The following LPP variants were observed in gnomAD, a reference collection of about 807,000 sequenced individuals.
LPP encodes LIM domain containing preferred translocation partner in lipoma, also known as lipoma-preferred partner.
In LPP, 38 loss-of-function variants were observed where a neutral mutation model predicts 60.4. The observed-to-expected ratio is 0.63, with a 90% CI of 0.49 to 0.83. The LOEUF is 0.83. LPP is among the 40% of genes least tolerant of loss of function. The pLI, the probability that LPP is intolerant of heterozygous loss-of-function variation, is 0.00. For synonymous variants in LPP, 328 were observed against 290.8 expected, an observed-to-expected ratio of 1.13 and a Z score of -1.30; for missense variants, 902 against 783.6, an observed-to-expected ratio of 1.15 and a Z score of -1.80.
chr3:188,745,757 C>T (rs1725953001), intron 8 of LPP, among the ~76,000 whole-genome samples: 2 of 152,186 alleles, frequency 1.3e-5, no homozygotes. Flanking sequence ...GCAATCACCA[C>T]TCCCCTTCGT....
chr3:188,744,164 G>T (rs1419534966), intron 8 of LPP, among the ~76,000 whole-genome samples: 1 of 152,064 alleles, frequency 6.6e-6, no homozygotes, highest in African/African-American at 2.4e-5. Context: ...TTACACACGT[G>T]TACACAAAGG....
rs1277196649 is a variant in LPP, at chr3:188,609,420, C to G, written c.689C>G (p.Pro230Arg). The change falls in exon 7 of 12, where the codon CCC becomes CGC. Residue 230 changes from proline (P) to arginine (R), a missense_variant. Transcript: ENST00000617246. The surrounding 1 kb of genome is among the most constrained non-coding windows in gnomAD (Gnocchi z 6.9). ...AATGTGCAGGTGAAGTCAGCCCAGCCCAGCCCTCATTATATGGCTGCCCCT... is the reference window on the plus strand; with the variant it reads ...AATGTGCAGGTGAAGTCAGCCCAGCGCAGCCCTCATTATATGGCTGCCCCT... ...TFNVQVKSAQ[P>R]SPHYMAAPSS... 1.2e-6 allele frequency: 2 copies of G among 1,614,058 alleles called. No individual in the cohort carries two copies. The highest frequency in any genetic ancestry group is 1.7e-6 in the Non-Finnish European group (2 of 1,180,036).
At chr3:188,695,638 G>A (rs1207793159) in intron 7 of LPP, among the ~76,000 whole-genome samples, 3 of 152,270 alleles carry the variant, frequency 2.0e-5, no homozygotes, top group African/African-American at 7.2e-5. Flanking sequence ...GACGCTAAAG[G>A]GGGGAACAAA....
intron 9 of LPP, among the ~76,000 whole-genome samples, chr3:188,765,297 AACAC>A (rs60149759): frequency 0.067 from 9,633 of 143,976 alleles, 314 homozygotes; most frequent in Non-Finnish European, 0.071. Flanking sequence ...TGTCTCACAC[AACAC>A]ACACACACAC....
chr3:188,156,819 A>G (rs1300071881), intron 1 of LPP, among the ~76,000 whole-genome samples: 1 of 151,722 alleles, frequency 6.6e-6, no homozygotes, highest in African/African-American at 2.4e-5. Flanking sequence ...CCTGGGTGAC[A>G]GAGTGAGACT....
At chr3:188,334,212 A>G (rs1264822301) in intron 2 of LPP, among the ~76,000 whole-genome samples, 1 of 152,060 alleles carries the variant, frequency 6.6e-6, no homozygotes, top group African/African-American at 2.4e-5. Context: ...TCATTTTTTT[A>G]TGGCTGAATA....
intron 3 of LPP, among the ~76,000 whole-genome samples, chr3:188,398,437 G>A (rs1055902025): frequency 1.3e-5 from 2 of 152,210 alleles, no homozygotes; most frequent in Admixed American, 1.3e-4. Flanking sequence ...CCTATATAAA[G>A]GTTTGGCATT....
chr3:188,410,876 C>T (rs1784738917), intron 4 of LPP, among the ~76,000 whole-genome samples: 1 of 152,138 alleles, frequency 6.6e-6, no homozygotes, highest in Non-Finnish European at 1.5e-5. Flanking sequence ...TTTTATCCCT[C>T]ACATCCTTCC....
intron 4 of LPP, among the ~76,000 whole-genome samples, chr3:188,437,385 C>T (rs889356944): frequency 6.6e-6 from 1 of 152,184 alleles, no homozygotes; most frequent in Non-Finnish European, 1.5e-5. Context: ...ATGTTTCAAT[C>T]ACATAAATCC....
intron 7 of LPP, among the ~76,000 whole-genome samples, chr3:188,648,746 C>G (rs1851554206): frequency 6.6e-6 from 1 of 152,174 alleles, no homozygotes; most frequent in South Asian, 2.1e-4. Context: ...AATGATGACT[C>G]TGGTGCTCAA....
At chr3:188,243,828 A>G (rs1284871077) in intron 2 of LPP, among the ~76,000 whole-genome samples, 2 of 152,016 alleles carry the variant, frequency 1.3e-5, no homozygotes, top group Non-Finnish European at 2.9e-5. Context: ...TCTGACACTA[A>G]TCTGAGTTCA....
At chr3:188,303,764 T>C (rs1018224000) in intron 2 of LPP, among the ~76,000 whole-genome samples, 2 of 152,184 alleles carry the variant, frequency 1.3e-5, no homozygotes, top group Non-Finnish European at 1.5e-5. Context: ...TTATTAAAAA[T>C]AGGTTCCCAG....
At chr3:188,208,831 A>G (rs1312041606) in intron 1 of LPP, among the ~76,000 whole-genome samples, 4 of 152,118 alleles carry the variant, frequency 2.6e-5, no homozygotes, top group Non-Finnish European at 5.9e-5. Flanking sequence ...ACATCAAATC[A>G]TTTTCCTTTA....
At chr3:188,437,599 T>C (rs2149220872) in intron 4 of LPP, among the ~76,000 whole-genome samples, 1 of 152,370 alleles carries the variant, frequency 6.6e-6, no homozygotes, top group African/African-American at 2.4e-5. Context: ...TTTCATAATA[T>C]GTAACTAAAG....
chr3:188,274,499 C>T (rs1332550228), intron 2 of LPP, among the ~76,000 whole-genome samples: 4 of 152,130 alleles, frequency 2.6e-5, no homozygotes, highest in African/African-American at 9.7e-5. Flanking sequence ...TTGGATTTCT[C>T]GTTCTGACCA....
At chr3:188,639,856 A>T (rs1189993646) in intron 7 of LPP, among the ~76,000 whole-genome samples, 2 of 152,238 alleles carry the variant, frequency 1.3e-5, no homozygotes, top group Non-Finnish European at 2.9e-5. Context: ...ATCATTAAAA[A>T]GTCAGGAAAC....
In LPP at chr3:188,510,314, G is replaced by T. The variant is rs150629505; in HGVS notation, c.307-14351G>T. ...TATTCCCTGGGTCTAAGGCAGAAATGTGTACGTGCTCCAATAACCCTTGTT... is the reference window on the plus strand; with the variant it reads ...TATTCCCTGGGTCTAAGGCAGAAATTTGTACGTGCTCCAATAACCCTTGTT... On this transcript the variant is annotated intron_variant, in intron 5 of 11. Transcript: ENST00000617246. Among the ~76,000 whole-genome samples, 411 of 152,164 alleles carry T rather than the reference G, an allele frequency of 2.7e-3. 3 individuals are homozygous for T. Among genetic ancestry groups the T allele is most frequent in the African/African-American group, 9.0e-3 (375 of 41,536 alleles).
intron 5 of LPP, among the ~76,000 whole-genome samples, chr3:188,523,436 A>G (rs2150170171): frequency 6.6e-6 from 1 of 152,216 alleles, no homozygotes; most frequent in Non-Finnish European, 1.5e-5. Context: ...AAGCTCCAAG[A>G]CTCAGGTAAG....
chr3:188,377,295 G>A (rs186811217), intron 3 of LPP, among the ~76,000 whole-genome samples: 221 of 152,300 alleles, frequency 1.5e-3, no homozygotes, highest in African/African-American at 5.0e-3. Context: ...ATATCCTGCC[G>A]AGTGTTTTCC....
Sources: gnomAD v4.1 joint callset for allele counts (sites outside exome capture counted in the v4.1 genomes callset) on GRCh38, gnomAD v4.1.1 for gene constraint, Gnocchi (gnomAD v3.1) non-coding constraint, MANE v1.5 for transcripts, NCBI Gene and HGNC (gene_info 2026-07-23, HGNC 2026-07-21) for gene names.